Variants in SLC35D4 observed in about 807,000 individuals in gnomAD.
The protein encoded by SLC35D4 is UDP-N-acetylglucosamine transporter SLC35D4.
At chr18:23,394,065 A>G in the SLC35D4 span, among the ~76,000 whole-genome samples, 1 of 152,252 alleles carries the variant, frequency 6.6e-6, no homozygotes, top group African/African-American at 2.4e-5. Flanking sequence ...TCTTTTGGGT[A>G]TACATCCAAA....
At chr18:23,303,274 C>T in the SLC35D4 span, among the ~76,000 whole-genome samples, 1 of 152,374 alleles carries the variant, frequency 6.6e-6, no homozygotes, top group Middle Eastern at 3.4e-3. Flanking sequence ...CCATCTTTAA[C>T]CTCAGGAGTC....
At chr18:23,415,897 T>C in the SLC35D4 span, among the ~76,000 whole-genome samples, 3 of 152,164 alleles carry the variant, frequency 2.0e-5, no homozygotes, top group East Asian at 1.9e-4. Flanking sequence ...ACAGGAGATA[T>C]GGCCTCTTTG....
At chr18:23,373,079 C>T in the SLC35D4 span, among the ~76,000 whole-genome samples, 525 of 152,108 alleles carry the variant, frequency 3.5e-3, 3 homozygotes, top group African/African-American at 0.012. Context: ...CTTGGGAGGC[C>T]GAGGCGGGCA....
At chr18:23,351,375 C>T in the SLC35D4 span, among the ~76,000 whole-genome samples, 1 of 152,036 alleles carries the variant, frequency 6.6e-6, no homozygotes, top group African/African-American at 2.4e-5. Flanking sequence ...CCACTGCACT[C>T]CAGTCTGGGC....
the SLC35D4 span, among the ~76,000 whole-genome samples, chr18:23,242,901 A>T: frequency 6.6e-6 from 1 of 152,104 alleles, no homozygotes; most frequent in African/African-American, 2.4e-5. Flanking sequence ...TCAGTACAGC[A>T]TGAGATGCTG....
the SLC35D4 span, among the ~76,000 whole-genome samples, chr18:23,390,968 G>C: frequency 2.0e-5 from 3 of 152,310 alleles, no homozygotes; most frequent in Non-Finnish European, 4.4e-5. Flanking sequence ...GCTCATGCCT[G>C]TAATCCCAGC....
At chr18:23,354,088 T>C in the SLC35D4 span, among the ~76,000 whole-genome samples, 1 of 152,154 alleles carries the variant, frequency 6.6e-6, no homozygotes, top group Non-Finnish European at 1.5e-5. Context: ...TTTTCAAAAG[T>C]GCCACTGTGT....
chr18:23,375,594 A>G, the SLC35D4 span, among the ~76,000 whole-genome samples: 1 of 152,220 alleles, frequency 6.6e-6, no homozygotes, highest in Admixed American at 6.5e-5. Flanking sequence ...AATCTCTTAT[A>G]CATACTAAAA....
chr18:23,293,967 T>C, the SLC35D4 span, among the ~76,000 whole-genome samples: 2 of 152,010 alleles, frequency 1.3e-5, no homozygotes, highest in African/African-American at 4.8e-5. Flanking sequence ...TAATTTTTAT[T>C]TTTTATTTTT....
chr18:23,382,392 T>G, the SLC35D4 span, among the ~76,000 whole-genome samples: 1 of 151,914 alleles, frequency 6.6e-6, no homozygotes, highest in Non-Finnish European at 1.5e-5. Context: ...TTTAGCTCAG[T>G]CCCAGTTCTG....
At chr18:23,357,983 C>G in the SLC35D4 span, among the ~76,000 whole-genome samples, 5 of 152,268 alleles carry the variant, frequency 3.3e-5, no homozygotes, top group Admixed American at 3.3e-4. Context: ...ATGACAACAT[C>G]AGTTGTCATT....
At chr18:23,241,629 G>A in the SLC35D4 span, among the ~76,000 whole-genome samples, 2 of 152,336 alleles carry the variant, frequency 1.3e-5, no homozygotes. Context: ...TGCCATGAAT[G>A]TTCTTGTGCA....
At chr18:23,289,859 CACTCCTGCCTGCCAGAGAACA>C in the SLC35D4 span, among the ~76,000 whole-genome samples, 1 of 152,114 alleles carries the variant, frequency 6.6e-6, no homozygotes, top group Non-Finnish European at 1.5e-5. Context: ...TTGTGACCCC[CACTCCTGCCTGCCAGAGAACA>C]ACCCCCCTTT....
At chr18:23,288,305 C>A in the SLC35D4 span, among the ~76,000 whole-genome samples, 1 of 152,182 alleles carries the variant, frequency 6.6e-6, no homozygotes, top group Non-Finnish European at 1.5e-5. Context: ...TGCTATAGTA[C>A]AAGCCACTAG....
At chr18:23,242,713 T>A in the SLC35D4 span, among the ~76,000 whole-genome samples, 3 of 152,296 alleles carry the variant, frequency 2.0e-5, no homozygotes, top group South Asian at 6.2e-4. Flanking sequence ...CCGACTAACA[T>A]TGTTTATGAT....
the SLC35D4 span, among the ~76,000 whole-genome samples, chr18:23,434,636 A>G: frequency 1.3e-5 from 2 of 152,134 alleles, no homozygotes; most frequent in Non-Finnish European, 1.5e-5. Flanking sequence ...ATTAAAAAAA[A>G]TACAAAAATT....
At chr18:23,410,874 A>G in the SLC35D4 span, among the ~76,000 whole-genome samples, 3 of 152,176 alleles carry the variant, frequency 2.0e-5, no homozygotes, top group African/African-American at 4.8e-5. Flanking sequence ...GCCCTCCTTT[A>G]CAGATCTAAT....
chr18:23,367,420 G>T, the SLC35D4 span, among the ~76,000 whole-genome samples: 20 of 152,146 alleles, frequency 1.3e-4, no homozygotes, highest in Admixed American at 1.3e-4. Context: ...GGGGACTGGG[G>T]CCCCCACAGT....
chr18:23,390,236 T>C, the SLC35D4 span, among the ~76,000 whole-genome samples: 14 of 152,182 alleles, frequency 9.2e-5, no homozygotes, highest in Admixed American at 2.6e-4. Flanking sequence ...TTGGATGATC[T>C]AGATATCTGC....
Sources: gnomAD v4.1 joint callset for allele counts (sites outside exome capture counted in the v4.1 genomes callset) on GRCh38, gnomAD v4.1.1 for gene constraint, MANE v1.5 for transcripts, NCBI Gene and HGNC (gene_info 2026-07-23, HGNC 2026-07-21) for gene names.